Variants in TRIM58 observed in about 807,000 individuals in gnomAD.
TRIM58 encodes tripartite motif containing 58, also known as E3 ubiquitin-protein ligase TRIM58.
Under a neutral mutation model 34.1 loss-of-function variants are expected in TRIM58, and 38 were observed. That is an observed-to-expected ratio of 1.12 (90% CI 0.86 to 1.46). TRIM58 has a LOEUF of 1.46. Among genes scored for constraint, TRIM58 ranks in the 40% most tolerant of loss-of-function variants. The pLI is 0.00. For missense variants in TRIM58, 677 were observed against 642.0 expected, an observed-to-expected ratio of 1.05 and a Z score of -0.59; for synonymous variants, 273 against 275.7, an observed-to-expected ratio of 0.99 and a Z score of 0.10.
intron 2 of TRIM58, 96 bp downstream of exon 2, chr1:247,860,808 T>G (rs1663775017): frequency 2.1e-6 from 2 of 963,986 alleles, no homozygotes; most frequent in East Asian, 2.5e-5. Flanking sequence ...CCAGCACTTT[T>G]GTTCCATCTC....
At chr1:247,858,508 T>C (rs1355106040) in intron 1 of TRIM58, among the ~76,000 whole-genome samples, 1 of 152,214 alleles carries the variant, frequency 6.6e-6, no homozygotes, top group Non-Finnish European at 1.5e-5. Flanking sequence ...CAAAGGACTG[T>C]CAGTCGCGCT....
chr1:247,860,850 CT>C (rs1306848350), intron 2 of TRIM58, 138 bp downstream of exon 2: 1 of 616,254 alleles, frequency 1.6e-6, no homozygotes, highest in East Asian at 2.9e-5. Context: ...CAGAGCCATC[CT>C]GGGTCATCCC....
chr1:247,871,708 T>C (rs1010682954), intron 5 of TRIM58, among the ~76,000 whole-genome samples: 1 of 152,232 alleles, frequency 6.6e-6, no homozygotes, highest in African/African-American at 2.4e-5. Flanking sequence ...ATTCAAAATG[T>C]GTGATTAATT....
Position 247,864,898 on chromosome 1 carries a change from A to C in TRIM58, c.710A>C (p.Gln237Pro). 2 of 1,602,216 alleles carry C rather than the reference A, an allele frequency of 1.2e-6. No homozygotes were observed. The highest frequency in any genetic ancestry group is 1.7e-6 in the Non-Finnish European group (2 of 1,175,388). ...CTGAAGGAGCTGGCGGATGAGCTGC[A>C]GGAGAGGTGCCAGCGCCCGGCCCTG... ...KALKELADEL[Q>P]ERCQRPALGL... Residue 237 changes from glutamine (Q) to proline (P), a missense_variant, in exon 3 of 6, where the codon CAG becomes CCG. By Grantham distance (76) the Gln-to-Pro change is moderately conservative. Coordinates refer to ENST00000366481, the MANE Select transcript of TRIM58 (RefSeq NM_015431.4).
In TRIM58 at chr1:247,857,474, G is replaced by T; in HGVS notation, c.228G>T (p.Ala76=). 2.9e-6 allele frequency: 4 copies of T among 1,361,820 alleles called. No individual in the cohort carries two copies. The highest frequency in any genetic ancestry group is 3.0e-5 in the East Asian group (1 of 33,210). 84.4% of individuals were successfully genotyped at this position (1,361,820 alleles called of 1,614,324 possible). A position where few individuals can be genotyped will look rare whatever the true frequency, so the allele number is the denominator to read the frequency against. The change falls in exon 1 of 6, where the codon GCG becomes GCT. Residue 76 remains alanine (A), a synonymous_variant. Coordinates refer to ENST00000366481, the MANE Select transcript of TRIM58 (RefSeq NM_015431.4). ...PSGFRPNRQL[A]GLVESVRRLG... ...GCTTTCGCCCCAACCGGCAGCTGGCGGGCCTGGTGGAGAGCGTGCGGCGGC... is the reference window on the plus strand; with the variant it reads ...GCTTTCGCCCCAACCGGCAGCTGGCTGGCCTGGTGGAGAGCGTGCGGCGGC...
rs996577642 is a variant in TRIM58 at position 247,876,861 on chromosome 1, A to G, written c.*372A>G. On this transcript the variant is annotated 3_prime_UTR_variant, in exon 6 of 6. Transcript: ENST00000366481. The stretch of plus-strand genomic sequence containing the variant: ...AAGAATTAGACATGGCAATTCTTAA[A>G]TTGATTCAGAATGGTCTGATACTAT... 1.8e-5 allele frequency: 4 copies of G among 223,722 alleles called. No homozygotes were observed. Among genetic ancestry groups the G allele is most frequent in the Non-Finnish European group, 3.6e-5 (4 of 112,360 alleles). 13.9% of individuals were successfully genotyped at this position (223,722 alleles called of 1,614,324 possible).
Position 247,879,965 on chromosome 1 carries a change from A to G in TRIM58, c.*3476A>G, listed in dbSNP as rs1026241759. On this transcript the variant is annotated 3_prime_UTR_variant, in exon 6 of 6. Coordinates refer to ENST00000366481, the MANE Select transcript of TRIM58 (RefSeq NM_015431.4). ...CTATATTGTTAGGCTTATTTAATTT[A>G]TGTATGTTTTGCCTTTTTGTGCTAA... 6.6e-6 allele frequency among the ~76,000 whole-genome samples: 1 copy of G among 151,576 alleles called. No homozygotes were observed. The highest frequency in any genetic ancestry group is 1.5e-5 in the Non-Finnish European group (1 of 67,978).
intron 2 of TRIM58, among the ~76,000 whole-genome samples, chr1:247,863,292 C>T (rs1403653167): frequency 6.6e-6 from 1 of 152,160 alleles, no homozygotes; most frequent in East Asian, 1.9e-4. Context: ...GTAATCCCAG[C>T]ACTTTGGGAG....
At chr1:247,867,785 G>A in intron 3 of TRIM58, 60 bp from the exon 4 acceptor site, 1 of 1,607,914 alleles carries the variant, frequency 6.2e-7, no homozygotes, top group Non-Finnish European at 8.5e-7. Context: ...GGGGTCTTCA[G>A]TCTGACTGTG....
chr1:247,860,585 G>A (rs1248072698), intron 1 of TRIM58, 32 bp from the exon 2 acceptor site: 2 of 1,472,672 alleles, frequency 1.4e-6, no homozygotes, highest in African/African-American at 1.4e-5. Context: ...CAGATTGAGG[G>A]CATCTGTAAC....
intron 5 of TRIM58, among the ~76,000 whole-genome samples, chr1:247,873,899 G>A (rs1337306929): frequency 6.6e-6 from 1 of 152,150 alleles, no homozygotes; most frequent in East Asian, 1.9e-4. Context: ...CTGAGAGGTG[G>A]AGGCTGCAGT....
rs1659375030 is a variant in TRIM58 at position 247,880,071 on chromosome 1, T to G, written c.*3582T>G. 1.3e-5 allele frequency among the ~76,000 whole-genome samples: 2 copies of G among 152,174 alleles called. No homozygotes were observed. The highest frequency in any genetic ancestry group is 2.9e-5 in the Non-Finnish European group (2 of 68,040). Reference sequence around the variant, plus strand: ...TTTCTCAAGCACCCCCAATGCTGGTTTGTATGTGGTTATCATTCAATCTGT... The same window carrying G: ...TTTCTCAAGCACCCCCAATGCTGGTGTGTATGTGGTTATCATTCAATCTGT... On this transcript the variant is annotated 3_prime_UTR_variant, in exon 6 of 6. Transcript: ENST00000366481.
intron 2 of TRIM58, among the ~76,000 whole-genome samples, chr1:247,864,494 C>A (rs1467988768): frequency 6.6e-6 from 1 of 152,146 alleles, no homozygotes; most frequent in African/African-American, 2.4e-5. Context: ...GAACTCCAGT[C>A]CAACAGTATT....
In TRIM58 at chr1:247,877,131, G is replaced by A. The variant is rs748066805; in HGVS notation, c.*642G>A. ...ACTTTTAAAATCCTTTCTATTCTGA[G>A]ACTAATTTTTAAGAATTACAAAGCT... On this transcript the variant is annotated 3_prime_UTR_variant, in exon 6 of 6. Coordinates refer to ENST00000366481, the MANE Select transcript of TRIM58 (RefSeq NM_015431.4). 2 of 152,050 alleles carry A rather than the reference G, an allele frequency of 1.3e-5. No individual in the cohort carries two copies. Among genetic ancestry groups the A allele is most frequent in the Non-Finnish European group, 2.9e-5 (2 of 68,028 alleles). The allele number at this position is 152,050 out of a possible 1,614,324, so 9.4% of individuals were successfully genotyped here.
chr1:247,878,745 G>A lies in TRIM58; in HGVS notation c.*2256G>A, dbSNP rs547178901. On this transcript the variant is annotated 3_prime_UTR_variant, in exon 6 of 6. Transcript: ENST00000366481. ...ACTCTCTCCATAGGATGGAATGAGTGTCCCAGTCCCAGGAGTATCCATTTC... is the reference window on the plus strand; with the variant it reads ...ACTCTCTCCATAGGATGGAATGAGTATCCCAGTCCCAGGAGTATCCATTTC... 6.6e-6 allele frequency among the ~76,000 whole-genome samples: 1 copy of A among 152,212 alleles called. No homozygotes were observed. Among genetic ancestry groups the A allele is most frequent in the Non-Finnish European group, 1.5e-5 (1 of 68,032 alleles).
intron 5 of TRIM58, among the ~76,000 whole-genome samples, chr1:247,873,700 G>C (rs977885735): frequency 6.6e-6 from 1 of 152,200 alleles, no homozygotes; most frequent in Admixed American, 6.5e-5. Context: ...GGGCGTGGCA[G>C]CTCACGCCTG....
At chr1:247,866,149 A>G (rs1315760583) in intron 3 of TRIM58, among the ~76,000 whole-genome samples, 1 of 152,122 alleles carries the variant, frequency 6.6e-6, no homozygotes. Flanking sequence ...CAGAGAGCAA[A>G]ATACAAGAAC....
intron 3 of TRIM58, among the ~76,000 whole-genome samples, chr1:247,867,012 TTATTAA>T (rs1243861466): frequency 6.6e-6 from 1 of 152,186 alleles, no homozygotes; most frequent in Non-Finnish European, 1.5e-5. Flanking sequence ...CCAAATACAA[TTATTAA>T]TATAATAAAT....
In TRIM58 at chr1:247,876,084, G is replaced by T. The variant is rs1287108098; in HGVS notation, c.1056G>T (p.Val352=). ...SSGRHYWEVL[V]GEGAEWGLGV... ...GGAGGCATTACTGGGAGGTTCTGGT[G>T]GGAGAAGGAGCAGAGTGGGGTTTAG... The change falls in exon 6 of 6, where the codon GTG becomes GTT. Residue 352 remains valine, a synonymous_variant. Coordinates refer to ENST00000366481, the MANE Select transcript of TRIM58 (RefSeq NM_015431.4). The T allele has an allele frequency of 6.2e-7, 1 of 1,614,054 alleles. No individual in the cohort carries two copies. Among genetic ancestry groups the T allele is most frequent in the African/African-American group, 1.3e-5 (1 of 74,914 alleles).
Sources: allele counts gnomAD v4.1 joint callset (sites outside exome capture counted in the v4.1 genomes callset), GRCh38; gene constraint gnomAD v4.1.1; transcripts MANE v1.5; gene names NCBI Gene and HGNC (gene_info 2026-07-23, HGNC 2026-07-21).